Variants in DAG1 observed in about 807,000 individuals in gnomAD.
DAG1 encodes dystroglycan 1.
In DAG1, 8 loss-of-function variants were observed where a neutral mutation model predicts 46.1. The observed-to-expected ratio is 0.17, with a 90% CI of 0.10 to 0.31. DAG1 has a LOEUF of 0.31. DAG1 is among the 10% of genes least tolerant of loss of function. The probability of loss-of-function intolerance (pLI) is 1.00; values close to 1 mark genes in which losing one functional copy is unlikely to be tolerated. For synonymous variants in DAG1, 495 were observed against 481.8 expected (o/e 1.03, Z -0.36); for missense variants, 1,003 against 1,189.9 (o/e 0.84, Z 2.31).
chr3:49,519,193 A>G (rs2050968254), intron 2 of DAG1, among the ~76,000 whole-genome samples: 1 of 152,160 alleles, frequency 6.6e-6, no homozygotes, highest in Non-Finnish European at 1.5e-5. Context: ...AAATGTGATT[A>G]TATGCCAGGA....
intron 1 of DAG1, among the ~76,000 whole-genome samples, chr3:49,494,579 A>C (rs1366584439): frequency 6.6e-6 from 1 of 152,164 alleles, no homozygotes; most frequent in Non-Finnish European, 1.5e-5. Context: ...CTCAGCATTG[A>C]ACTTCAAAGT....
intron 2 of DAG1, among the ~76,000 whole-genome samples, chr3:49,512,135 C>T (rs2050776295): frequency 6.6e-6 from 1 of 151,816 alleles, no homozygotes; most frequent in Non-Finnish European, 1.5e-5. Context: ...AGGCTTAAGC[C>T]TTCTTCCCTC....
intron 1 of DAG1, among the ~76,000 whole-genome samples, chr3:49,507,013 A>G (rs372555715): frequency 1.1e-4 from 16 of 152,172 alleles, no homozygotes; most frequent in African/African-American, 3.9e-4. Context: ...AATTCAATAT[A>G]TTAAAACAAA....
intron 2 of DAG1, among the ~76,000 whole-genome samples, chr3:49,526,693 G>C (rs981013199): frequency 1.3e-5 from 2 of 152,194 alleles, no homozygotes; most frequent in African/African-American, 4.8e-5. Context: ...CTCCAGCCCA[G>C]GTGACAGAGT....
In DAG1 at chr3:49,499,125, T is replaced by C. The variant is rs149661692; in HGVS notation, c.-116-11294T>C. On this transcript the variant is annotated intron_variant, in intron 1 of 2. Coordinates refer to ENST00000308775, the MANE Select transcript of DAG1 (RefSeq NM_004393.6). ...GGCTCCTAGGAGTGGTGGGATGGGCTACCTCTGCCAAATTTTGTGTGGTTA... is the reference window on the plus strand; with the variant it reads ...GGCTCCTAGGAGTGGTGGGATGGGCCACCTCTGCCAAATTTTGTGTGGTTA... Among the ~76,000 whole-genome samples the C allele has an allele frequency of 2.7e-3, 417 of 152,358 alleles. 3 individuals carry two copies. The highest frequency in any genetic ancestry group is 9.3e-3 in the African/African-American group (388 of 41,596).
chr3:49,474,628 G>C (rs1345329312), intron 1 of DAG1, among the ~76,000 whole-genome samples: 1 of 151,976 alleles, frequency 6.6e-6, no homozygotes, highest in South Asian at 2.1e-4. Flanking sequence ...TTACAGGCAC[G>C]AGCCACTGCG....
intron 1 of DAG1, among the ~76,000 whole-genome samples, chr3:49,473,292 G>C (rs984143803): frequency 6.6e-6 from 1 of 151,436 alleles, no homozygotes; most frequent in African/African-American, 2.4e-5. Context: ...GCGGGCGCCT[G>C]TAGTCCCAGC....
chr3:49,508,994 A>G (rs1025766644), intron 1 of DAG1, among the ~76,000 whole-genome samples: 1 of 152,224 alleles, frequency 6.6e-6, no homozygotes, highest in African/African-American at 2.4e-5. Flanking sequence ...CATAAGATTG[A>G]GGATGATTCC....
intron 1 of DAG1, among the ~76,000 whole-genome samples, chr3:49,475,002 C>T (rs1442935915): frequency 2.0e-5 from 3 of 150,966 alleles, no homozygotes; most frequent in Non-Finnish European, 2.9e-5. Context: ...TTAGTAGAGA[C>T]GGGGTTTCAC....
chr3:49,483,864 T>C (rs922886410), intron 1 of DAG1, among the ~76,000 whole-genome samples: 12 of 151,644 alleles, frequency 7.9e-5, no homozygotes, highest in Non-Finnish European at 1.0e-4. Context: ...TTTGTAGCGA[T>C]GTGGTCTTGG....
chr3:49,529,480 T>C (rs2051284192), intron 2 of DAG1, among the ~76,000 whole-genome samples: 1 of 152,194 alleles, frequency 6.6e-6, no homozygotes, highest in African/African-American at 2.4e-5. Flanking sequence ...TACTTTGTTT[T>C]TTGGCAGGAG....
At chr3:49,512,580 C>T (rs992028355) in intron 2 of DAG1, among the ~76,000 whole-genome samples, 18 of 151,506 alleles carry the variant, frequency 1.2e-4, no homozygotes, top group Middle Eastern at 6.8e-3. Flanking sequence ...TTAGTACTGA[C>T]GGGGTTTCAC....
At chr3:49,475,468 C>T (rs1211112457) in intron 1 of DAG1, among the ~76,000 whole-genome samples, 16 of 132,920 alleles carry the variant, frequency 1.2e-4, no homozygotes, top group East Asian at 2.3e-4. Context: ...GTGCATGGCG[C>T]GATCTTGGCT....
At chr3:49,486,287 C>T (rs986498889) in intron 1 of DAG1, among the ~76,000 whole-genome samples, 11 of 151,656 alleles carry the variant, frequency 7.3e-5, no homozygotes, top group African/African-American at 1.2e-4. Flanking sequence ...GGTACTATCT[C>T]GGCTCACTGC....
intron 1 of DAG1, among the ~76,000 whole-genome samples, chr3:49,475,702 T>TG (rs71278645): frequency 2.0e-5 from 1 of 51,116 alleles, no homozygotes; most frequent in East Asian, 0.038. Context: ...TTTCTTTTTC[T>TG]TTTTTTTTTT....
At chr3:49,504,950 C>T (rs184304382) in intron 1 of DAG1, among the ~76,000 whole-genome samples, 1 of 121,388 alleles carries the variant, frequency 8.2e-6, no homozygotes, top group East Asian at 2.4e-4. Context: ...GTATCTGTCC[C>T]TCCACCATTA....
intron 1 of DAG1, among the ~76,000 whole-genome samples, chr3:49,478,022 T>G (rs575955976): frequency 2.0e-5 from 3 of 151,308 alleles, no homozygotes; most frequent in Non-Finnish European, 4.4e-5. Context: ...ATCCCAGCAC[T>G]TTGGGAGGCC....
At chr3:49,477,522 G>C (rs191781676) in intron 1 of DAG1, among the ~76,000 whole-genome samples, 38 of 151,970 alleles carry the variant, frequency 2.5e-4, no homozygotes, top group Admixed American at 2.3e-3. Context: ...CAAACCCCTG[G>C]GCTCAAACGA....
Position 49,510,665 on chromosome 3 carries a change from A to G in DAG1, c.131A>G (p.Asn44Ser), listed in dbSNP as rs778987520. 6.2e-7 allele frequency: 1 copy of G among 1,613,852 alleles called. No individual in the cohort carries two copies. The highest frequency in any genetic ancestry group is 8.5e-7 in the Non-Finnish European group (1 of 1,179,952). The change falls in exon 2 of 3, where the codon AAC (asparagine) becomes AGC (serine). Residue 44 changes from asparagine (N) to serine (S), a missense_variant. Asn to Ser is a conservative substitution (Grantham distance 46). This residue lies in a region of DAG1 where 196 missense variants were observed against 239.1 expected (regional missense o/e 0.82). Transcript: ENST00000308775. ...TCAGAGGCTGTCAGGGACTGGGAAA[A>G]CCAGCTTGAGGCATCCATGCACTCA... ...EPSEAVRDWE[N>S]QLEASMHSVL...
Sources: allele counts gnomAD v4.1 joint callset (sites outside exome capture counted in the v4.1 genomes callset), GRCh38; gene constraint gnomAD v4.1.1; regional missense constraint gnomAD v4.1.1; transcripts MANE v1.5; gene names NCBI Gene and HGNC (gene_info 2026-07-23, HGNC 2026-07-21).